ADNP2: variants seen among roughly 807,000 people sequenced by gnomAD.
ADNP2 encodes ADNP homeobox 2.
ADNP2 carries 8 observed loss-of-function variants against 16.4 expected under a neutral mutation model. That is an observed-to-expected ratio of 0.49 (90% CI 0.29 to 0.88). The LOEUF (loss-of-function observed/expected upper bound fraction) is 0.88. Ranked by LOEUF, ADNP2 falls within the 40% of genes least tolerant of loss-of-function variation. The pLI, the probability that ADNP2 is intolerant of heterozygous loss-of-function variation, is 0.09. For synonymous variants in ADNP2, 637 were observed against 545.8 expected, an observed-to-expected ratio of 1.17 and a Z score of -2.33; for missense variants, 1,397 against 1,395.1, an observed-to-expected ratio of 1.00 and a Z score of -0.02.
chr18:80,111,837 A>G (rs2052359605), intron 1 of ADNP2, among the ~76,000 whole-genome samples: 1 of 151,816 alleles, frequency 6.6e-6, no homozygotes, highest in Non-Finnish European at 1.5e-5. Flanking sequence ...GAGCCGTTGC[A>G]CCCGGCCAAC....
chr18:80,123,126 T>C (rs1303560788), intron 2 of ADNP2, among the ~76,000 whole-genome samples: 1 of 152,224 alleles, frequency 6.6e-6, no homozygotes, highest in East Asian at 1.9e-4. Flanking sequence ...TACATTGATA[T>C]ATTTTCTTAT....
intron 2 of ADNP2, among the ~76,000 whole-genome samples, chr18:80,127,176 G>GTA (rs769301213): frequency 6.6e-5 from 10 of 152,102 alleles, no homozygotes; most frequent in Non-Finnish European, 1.5e-4. Flanking sequence ...AGGTATGTCT[G>GTA]TATAGGAAAA....
chr18:80,109,414 G>A lies in ADNP2; in HGVS notation c.-72G>A, dbSNP rs1032763495. The A allele has an allele frequency of 1.3e-5, 2 of 148,348 alleles. No individual in the cohort carries two copies. Among genetic ancestry groups the A allele is most frequent in the African/African-American group, 2.4e-5 (1 of 41,044 alleles). The allele number at this position is 148,348 out of a possible 1,614,324, so 9.2% of individuals were successfully genotyped here. A position where few individuals can be genotyped will look rare whatever the true frequency, so the allele number is the denominator to read the frequency against. On this transcript the variant is annotated 5_prime_UTR_variant, in exon 1 of 4. Coordinates refer to ENST00000262198, the MANE Select transcript of ADNP2 (RefSeq NM_014913.4). ...CGGGACGCGGCTGCGCTCGGCGGAA[G>A]ACGCGGCAGCCCTGCGAGAGGCAGC...
Position 80,135,628 on chromosome 18 carries a change from C to A in ADNP2, c.215C>A (p.Pro72Gln). The A allele has an allele frequency of 6.2e-7, 1 of 1,612,478 alleles. No individual in the cohort carries two copies. Among genetic ancestry groups the A allele is most frequent in the Non-Finnish European group, 8.5e-7 (1 of 1,178,984 alleles). Residue 72 changes from proline (P) to glutamine (Q), a missense_variant, in exon 4 of 4, where the codon CCA becomes CAA. Pro to Gln is a moderately conservative substitution (Grantham distance 76). Coordinates refer to ENST00000262198, the MANE Select transcript of ADNP2 (RefSeq NM_014913.4). ...TTTTAACAGAGATATCGAACAAAGCCATACTGTTGTGGCCTCTGTAAATAC... is the reference window on the plus strand; with the variant it reads ...TTTTAACAGAGATATCGAACAAAGCAATACTGTTGTGGCCTCTGTAAATAC... Reference protein sequence around the residue: ...SGKKVRYRTKPYCCGLCKYST... With the variant: ...SGKKVRYRTKQYCCGLCKYST...
intron 2 of ADNP2, among the ~76,000 whole-genome samples, chr18:80,121,725 G>A (rs1363491087): frequency 6.6e-6 from 1 of 152,142 alleles, no homozygotes; most frequent in Non-Finnish European, 1.5e-5. Context: ...ATAAGTAGGA[G>A]TCCGGTTTCA....
rs1249272218 is a variant in ADNP2, at chr18:80,109,451, G to C, written c.-35G>C. 2 of 147,992 alleles carry C rather than the reference G, an allele frequency of 1.4e-5. No homozygotes were observed. Among genetic ancestry groups the C allele is most frequent in the Non-Finnish European group, 3.0e-5 (2 of 66,396 alleles). 9.2% of individuals were successfully genotyped at this position (147,992 alleles called of 1,614,324 possible). On this transcript the variant is annotated 5_prime_UTR_variant, in exon 1 of 4. Coordinates refer to ENST00000262198, the MANE Select transcript of ADNP2 (RefSeq NM_014913.4). Reference sequence around the variant, plus strand: ...CTGCGAGAGGCAGCAGCGGAGACGCGGTGCTCCTCGGGCGCCAAGCGGTAG... The same window carrying C: ...CTGCGAGAGGCAGCAGCGGAGACGCCGTGCTCCTCGGGCGCCAAGCGGTAG...
intron 2 of ADNP2, among the ~76,000 whole-genome samples, chr18:80,124,881 A>G (rs1013208141): frequency 9.2e-5 from 14 of 152,100 alleles, no homozygotes; most frequent in Non-Finnish European, 1.9e-4. Flanking sequence ...TCTATTTTCT[A>G]ATTTTTCTAT....
chr18:80,138,193 C>T lies in ADNP2; in HGVS notation c.2780C>T (p.Thr927Ile). ...HCCGVYTGNM[T>I]LAAIAVHLVR... ...TGTGGGGTCTACACGGGAAATATGA[C>T]CCTGGCTGCCATCGCCGTCCATTTG... Residue 927 changes from threonine to isoleucine, a missense_variant, in exon 4 of 4, where the codon ACC (threonine) becomes ATC (isoleucine). By Grantham distance (89) the Thr-to-Ile change is moderately conservative. This residue lies in a region of ADNP2 where 611 missense variants were observed against 648.7 expected (regional missense o/e 0.94). Transcript: ENST00000262198. The T allele has an allele frequency of 6.2e-7, 1 of 1,614,062 alleles. No individual in the cohort carries two copies. The highest frequency in any genetic ancestry group is 2.2e-5 in the East Asian group (1 of 44,904).
Position 80,121,391 on chromosome 18 carries a change from T to G in ADNP2, c.108+3741T>G, listed in dbSNP as rs144163552. 6.6e-5 allele frequency among the ~76,000 whole-genome samples: 10 copies of G among 152,356 alleles called. No homozygotes were observed. The East Asian group carries it at 1.7e-3, about 26-fold the overall frequency. The stretch of plus-strand genomic sequence containing the variant: ...TTCTTTGCCTGTTTTTTAATTGGGT[T>G]GTTTGTCTTTATGTTGTTGAAATAC... On this transcript the variant is annotated intron_variant, in intron 2 of 3. Coordinates refer to ENST00000262198, the MANE Select transcript of ADNP2 (RefSeq NM_014913.4).
chr18:80,134,709 CTTG>C (rs1195007049), intron 3 of ADNP2, among the ~76,000 whole-genome samples: 2 of 152,122 alleles, frequency 1.3e-5, no homozygotes, highest in Non-Finnish European at 2.9e-5. Context: ...AGGCCGCGAA[CTTG>C]TTAAATTTCC....
chr18:80,134,090 T>G (rs4383219), intron 3 of ADNP2, among the ~76,000 whole-genome samples: 128,414 of 152,118 alleles, frequency 0.84, 54,324 homozygotes, highest in Non-Finnish European at 0.87. Context: ...GAGTTGCAAG[T>G]TTCCTTGAAA....
rs151034677 is a variant in ADNP2, at chr18:80,136,076, C to T, written c.663C>T (p.Asn221=). The T allele has an allele frequency of 8.8e-5, 142 of 1,614,176 alleles. 2 individuals are homozygous for T. The African/African-American group carries it at 1.3e-3, about 15-fold the overall frequency. The change falls in exon 4 of 4, where the codon AAC becomes AAT. Residue 221 remains asparagine (N), a synonymous_variant. Transcript: ENST00000262198. ...ACAAATATTACTGTAAAAAGTGCAA[C>T]GCCAATGCCAGCAGCCAGGATGCGT... ...PPDKYYCKKC[N]ANASSQDALM...
chr18:80,137,201 C>T lies in ADNP2; in HGVS notation c.1788C>T (p.Gly596=). The T allele has an allele frequency of 6.2e-7, 1 of 1,614,242 alleles. No individual in the cohort carries two copies. The highest frequency in any genetic ancestry group is 8.5e-7 in the Non-Finnish European group (1 of 1,180,038). Residue 596 remains glycine (G), a synonymous_variant, in exon 4 of 4, where the codon GGC becomes GGT. Transcript: ENST00000262198. This position sits in a 1 kb window ranked among gnomAD's most constrained non-coding sequence, Gnocchi z 4.2. ...ASQNTTFLTS[G]SILRQLIPTG... is the part of the protein sequence containing the mutation. ...AGAACACCACCTTCCTGACATCAGGCTCTATTCTCAGACAGCTCATCCCTA... is the reference window on the plus strand; with the variant it reads ...AGAACACCACCTTCCTGACATCAGGTTCTATTCTCAGACAGCTCATCCCTA...
chr18:80,109,792 T>G (rs1436587797), intron 1 of ADNP2: 1 of 149,214 alleles, frequency 6.7e-6, no homozygotes. Context: ...AGAGTAGGAA[T>G]AGGGGAAAGA....
chr18:80,123,742 T>TAA (rs2052440362), intron 2 of ADNP2, among the ~76,000 whole-genome samples: 1 of 151,686 alleles, frequency 6.6e-6, no homozygotes, highest in African/African-American at 2.4e-5. Flanking sequence ...TTTTTTTCTT[T>TAA]TTTTGGAGAC....
chr18:80,119,208 A>G (rs542797817), intron 2 of ADNP2, among the ~76,000 whole-genome samples: 2 of 152,114 alleles, frequency 1.3e-5, no homozygotes, highest in Non-Finnish European at 2.9e-5. Context: ...AAGTGCGTTT[A>G]TTCTTAATCC....
chr18:80,123,720 T>C (rs1372708415), intron 2 of ADNP2, among the ~76,000 whole-genome samples: 1 of 151,692 alleles, frequency 6.6e-6, no homozygotes, highest in Non-Finnish European at 1.5e-5. Flanking sequence ...ATGTTAGTTC[T>C]TTCTTTAATT....
chr18:80,136,837 T>A lies in ADNP2; in HGVS notation c.1424T>A (p.Val475Asp). ...CCTGGGCAAACAGCAACTTCTGGGG[T>A]TCTTCCTACTGGCCAGATGGTCCAG... is the stretch of plus-strand genomic sequence containing the variant. Reference protein sequence around the residue: ...VIPGQTATSGVLPTGQMVQSG... With the variant: ...VIPGQTATSGDLPTGQMVQSG... Residue 475 changes from valine (V) to aspartate (D), a missense_variant, in exon 4 of 4, where the codon GTT (valine) becomes GAT (aspartate). Val to Asp is a radical substitution (Grantham distance 152, BLOSUM62 -3). Around this residue, in one of 3 missense-constraint regions of ADNP2, gnomAD observed 777 missense variants for 719.4 expected, o/e 1.08. Coordinates refer to ENST00000262198, the MANE Select transcript of ADNP2 (RefSeq NM_014913.4). The A allele has an allele frequency of 6.2e-7, 1 of 1,613,856 alleles. No individual in the cohort carries two copies. The highest frequency in any genetic ancestry group is 8.5e-7 in the Non-Finnish European group (1 of 1,179,906).
chr18:80,127,265 A>AG (rs1409077842), intron 2 of ADNP2, among the ~76,000 whole-genome samples: 2 of 150,790 alleles, frequency 1.3e-5, no homozygotes, highest in African/African-American at 4.9e-5. Flanking sequence ...TTTGCAGATA[A>AG]GGGGGGACTC....
Sources: allele counts gnomAD v4.1 joint callset (sites outside exome capture counted in the v4.1 genomes callset), GRCh38; gene constraint gnomAD v4.1.1; regional missense constraint gnomAD v4.1.1; non-coding constraint Gnocchi (gnomAD v3.1); transcripts MANE v1.5; gene names NCBI Gene and HGNC (gene_info 2026-07-23, HGNC 2026-07-21).